Variants in CKS2 observed in about 807,000 individuals in gnomAD.
The protein encoded by CKS2 is CDC28 protein kinase regulatory subunit 2.
A neutral mutation model predicts 14.3 loss-of-function variants in CKS2; 4 were observed. That is an observed-to-expected ratio of 0.28 (90% CI 0.14 to 0.64). CKS2 has a LOEUF of 0.64. Among genes scored for constraint, CKS2 ranks in the 30% least tolerant of loss-of-function variants. The probability of loss-of-function intolerance (pLI) is 0.83; values close to 1 mark genes in which losing one functional copy is unlikely to be tolerated. For missense variants in CKS2, 71 were observed against 94.3 expected, an observed-to-expected ratio of 0.75 and a Z score of 1.02; for synonymous variants, 33 against 28.7, an observed-to-expected ratio of 1.15 and a Z score of -0.48.
intron 1 of CKS2, among the ~76,000 whole-genome samples, chr9:89,313,909 G>T (rs1426986093): frequency 6.6e-6 from 1 of 152,164 alleles, no homozygotes; most frequent in Non-Finnish European, 1.5e-5. Context: ...TGGCCTTAAG[G>T]CAATCTAACA....
intron 1 of CKS2, 99 bp downstream of exon 1, chr9:89,311,450 C>T (rs1824605927): frequency 1.8e-6 from 1 of 567,746 alleles, no homozygotes; most frequent in Non-Finnish European, 2.8e-6. Flanking sequence ...GGGCCGGGGC[C>T]TGGGGGGCGG....
chr9:89,314,537 G>T (rs763719046), intron 1 of CKS2, among the ~76,000 whole-genome samples: 50 of 152,122 alleles, frequency 3.3e-4, no homozygotes, highest in Non-Finnish European at 6.9e-4. Context: ...GCAACTTCTG[G>T]AGCATACAAG....
In CKS2 at chr9:89,316,653, GT is replaced by G; in HGVS notation, c.*231del. On this transcript the variant is annotated 3_prime_UTR_variant, in exon 3 of 3. Coordinates refer to ENST00000314355, the MANE Select transcript of CKS2 (RefSeq NM_001827.3). ...GTTTTTCTCTTAAGTGCCTGTTTGA[GT>G]TTACTGAAACAGTTTACTTTTGTTC... 2.5e-6 allele frequency: 1 copy of G among 396,064 alleles called. No individual in the cohort carries two copies. Among genetic ancestry groups the G allele is most frequent in the East Asian group, 3.7e-5 (1 of 26,876 alleles). The allele number at this position is 396,064 out of a possible 1,614,324, so 24.5% of individuals were successfully genotyped here.
intron 2 of CKS2, 135 bp from the exon 3 acceptor site, chr9:89,316,238 A>T: frequency 1.6e-6 from 1 of 622,550 alleles, no homozygotes; most frequent in South Asian, 2.1e-5. Context: ...TGAAAAAAAA[A>T]TCATTTTGGA....
At position 89,316,503 on chromosome 9, in the gene CKS2, AG is replaced by A; in HGVS notation, c.*79del. ...TAAGGTAGTATTCAGTGAATACTTG[AG>A]AAATGTACAAATCTTTCATCCATAC... On this transcript the variant is annotated 3_prime_UTR_variant, in exon 3 of 3. Coordinates refer to ENST00000314355, the MANE Select transcript of CKS2 (RefSeq NM_001827.3). 1 of 885,728 alleles carries A rather than the reference AG, an allele frequency of 1.1e-6. No homozygotes were observed. Among genetic ancestry groups the A allele is most frequent in the Non-Finnish European group, 1.8e-6 (1 of 545,296 alleles). The allele number at this position is 885,728 out of a possible 1,614,324, so 54.9% of individuals were successfully genotyped here. A position where few individuals can be genotyped will look rare whatever the true frequency, so the allele number is the denominator to read the frequency against.
chr9:89,311,317 TC>T lies in CKS2; in HGVS notation c.26del (p.Ser9TrpfsTer29). MAHKQIYY[S>X]DKYFDEHYEY... ...GATGGCCCACAAGCAGATCTACTAC[TC>T]GGACAAGTACTTCGACGAACACTAC... On this transcript the variant is annotated frameshift_variant, in exon 1 of 3. Transcript: ENST00000314355. LOFTEE classifies it high-confidence loss of function. 1.2e-6 allele frequency: 2 copies of T among 1,610,840 alleles called. No homozygotes were observed. The highest frequency in any genetic ancestry group is 1.7e-6 in the Non-Finnish European group (2 of 1,178,812).
rs541536420 is a variant in CKS2 at position 89,316,446 on chromosome 9, A to G, written c.*21A>G. The G allele has an allele frequency of 3.4e-6, 5 of 1,490,336 alleles. No individual in the cohort carries two copies. The African/African-American group carries it at 5.5e-5, about 16-fold the overall frequency. 92.3% of individuals were successfully genotyped at this position (1,490,336 alleles called of 1,614,324 possible). On this transcript the variant is annotated 3_prime_UTR_variant, in exon 3 of 3. Coordinates refer to ENST00000314355, the MANE Select transcript of CKS2 (RefSeq NM_001827.3). ...AATGAAGTTTATCTGGGGATCGTCA[A>G]ATCTTTTTCAAATTTAATGTATATG...
chr9:89,316,032 T>A (rs1238625157), intron 2 of CKS2, among the ~76,000 whole-genome samples: 1 of 152,210 alleles, frequency 6.6e-6, no homozygotes, highest in Non-Finnish European at 1.5e-5. Flanking sequence ...AGATACGTAA[T>A]CCTATTAGAA....
intron 2 of CKS2, 80 bp downstream of exon 2, chr9:89,315,377 T>C (rs1824687942): frequency 1.6e-6 from 2 of 1,267,566 alleles, no homozygotes; most frequent in East Asian, 2.7e-5. Context: ...AAAAATATCA[T>C]TGACATCAAA....
intron 1 of CKS2, among the ~76,000 whole-genome samples, chr9:89,313,673 T>G (rs1404367109): frequency 1.3e-5 from 2 of 152,262 alleles, no homozygotes; most frequent in African/African-American, 4.8e-5. Flanking sequence ...GGTAGATTTA[T>G]GTACTCTGTA....
At chr9:89,312,310 C>CT (rs1325118569) in intron 1 of CKS2, 1 of 154,656 alleles carries the variant, frequency 6.5e-6, no homozygotes, top group East Asian at 1.9e-4. Context: ...ATTTGTTGTC[C>CT]TTACTGTATG....
chr9:89,314,070 A>C (rs574602819), intron 1 of CKS2, among the ~76,000 whole-genome samples: 1 of 152,320 alleles, frequency 6.6e-6, no homozygotes, highest in African/African-American at 2.4e-5. Flanking sequence ...ATTGCACCTC[A>C]TTCATCCCCA....
intron 1 of CKS2, among the ~76,000 whole-genome samples, chr9:89,313,446 C>T (rs1283453384): frequency 1.3e-5 from 2 of 152,182 alleles, no homozygotes; most frequent in Non-Finnish European, 2.9e-5. Context: ...AATACTTGCA[C>T]TATTTTGCAT....
Position 89,316,361 on chromosome 9 carries a change from TTC to T in CKS2, c.188-10_188-9del. On this transcript the variant is annotated splice_polypyrimidine_tract_variant and intron_variant, in intron 2 of 2. Coordinates refer to ENST00000314355, the MANE Select transcript of CKS2 (RefSeq NM_001827.3). ...TCATATTAAAATGATTCAAAACATT[TTC>T]TTTCCACAGAACCACATATTCTTCT... The T allele has an allele frequency of 6.5e-7, 1 of 1,549,838 alleles. No individual in the cohort carries two copies. Among genetic ancestry groups the T allele is most frequent in the Non-Finnish European group, 8.9e-7 (1 of 1,127,582 alleles).
chr9:89,313,092 C>T (rs1413833476), intron 1 of CKS2, among the ~76,000 whole-genome samples: 1 of 152,110 alleles, frequency 6.6e-6, no homozygotes, highest in African/African-American at 2.4e-5. Context: ...TTGGCCAAGC[C>T]AGTAACCTTT....
chr9:89,313,501 A>G (rs1587815049), intron 1 of CKS2, among the ~76,000 whole-genome samples: 3 of 152,230 alleles, frequency 2.0e-5, no homozygotes, highest in African/African-American at 7.2e-5. Flanking sequence ...TTTTCCTTAC[A>G]TGTAGTTAGT....
chr9:89,311,426 AG>A, intron 1 of CKS2, 75 bp downstream of exon 1: 1 of 679,958 alleles, frequency 1.5e-6, no homozygotes, highest in Non-Finnish European at 2.3e-6. Context: ...CAGGCATAGT[AG>A]GGTCGGGGGT....
At chr9:89,312,579 CTG>C (rs1167817420) in intron 1 of CKS2, among the ~76,000 whole-genome samples, 1 of 152,142 alleles carries the variant, frequency 6.6e-6, no homozygotes, top group Non-Finnish European at 1.5e-5. Flanking sequence ...GCATGGAAGT[CTG>C]TTTTCACATG....
intron 1 of CKS2, among the ~76,000 whole-genome samples, chr9:89,314,197 T>C (rs545501115): frequency 6.6e-6 from 1 of 152,326 alleles, no homozygotes; most frequent in Admixed American, 6.5e-5. Context: ...GAGCTGAGAA[T>C]TGTGACTTTC....
Sources: gnomAD v4.1 joint callset for allele counts (sites outside exome capture counted in the v4.1 genomes callset) on GRCh38, gnomAD v4.1.1 for gene constraint, MANE v1.5 for transcripts, NCBI Gene and HGNC (gene_info 2026-07-23, HGNC 2026-07-21) for gene names.